Variants in CSMD3 observed in about 807,000 individuals in gnomAD.
The protein encoded by CSMD3 is CUB and Sushi multiple domains 3.
In CSMD3, 177 loss-of-function variants were observed where a neutral mutation model predicts 435.2. The ratio of observed to expected loss-of-function variants is 0.41; its 90% CI spans 0.36 to 0.46. CSMD3 has a LOEUF of 0.46. Ranked by LOEUF, CSMD3 falls within the 20% of genes least tolerant of loss-of-function variation. The pLI is 0.34. For synonymous variants in CSMD3, 1,656 were observed against 1,520.5 expected, an observed-to-expected ratio of 1.09 and a Z score of -2.07; for missense variants, 4,265 against 4,504.6, an observed-to-expected ratio of 0.95 and a Z score of 1.52.
chr8:113,329,867 A>T (rs570531624), intron 1 of CSMD3, among the ~76,000 whole-genome samples: 3 of 152,216 alleles, frequency 2.0e-5, no homozygotes, highest in African/African-American at 4.8e-5. Context: ...AATGAAGGAG[A>T]AATAATGACA....
chr8:112,434,641 G>A lies in CSMD3; in HGVS notation c.5396-25609C>T, dbSNP rs575307196. ...AATCACGTAATTCCACTTGGCAGACGTAAATTTACTGTGAAGTTAACAAAG... is the reference window on the plus strand; with the variant it reads ...AATCACGTAATTCCACTTGGCAGACATAAATTTACTGTGAAGTTAACAAAG... On this transcript the variant is annotated intron_variant, in intron 32 of 70. Transcript: ENST00000297405. Among the ~76,000 whole-genome samples, 5 of 152,208 alleles carry A rather than the reference G, an allele frequency of 3.3e-5. No homozygotes were observed. The South Asian group carries it at 1.0e-3, about 32-fold the overall frequency.
At position 112,454,129 on chromosome 8, in the gene CSMD3, G is replaced by A. The variant is rs139897020; in HGVS notation, c.5395+18462C>T. 8.0e-3 allele frequency among the ~76,000 whole-genome samples: 1,219 copies of A among 152,202 alleles called. 23 individuals carry two copies. Among genetic ancestry groups the A allele is most frequent in the African/African-American group, 0.027 (1,130 of 41,540 alleles). On this transcript the variant is annotated intron_variant, in intron 32 of 70. Transcript: ENST00000297405. ...TGGATTAAAGATTTAAACGTAAGACGTCAAACTATAAAAATCCTAAAAGAA... is the reference window on the plus strand; with the variant it reads ...TGGATTAAAGATTTAAACGTAAGACATCAAACTATAAAAATCCTAAAAGAA...
chr8:113,287,926 CTG>C (rs2093658454), intron 2 of CSMD3, among the ~76,000 whole-genome samples: 1 of 151,820 alleles, frequency 6.6e-6, no homozygotes, highest in Non-Finnish European at 1.5e-5. Flanking sequence ...AAAAGAATTC[CTG>C]CTTGAAATAT....
At chr8:112,333,281 C>A (rs1586796154) in intron 45 of CSMD3, among the ~76,000 whole-genome samples, 1 of 152,276 alleles carries the variant, frequency 6.6e-6, no homozygotes, top group Non-Finnish European at 1.5e-5. Context: ...GATTCTCCTG[C>A]CTCAGCCACC....
Position 112,701,582 on chromosome 8 carries a change from G to A in CSMD3, c.1973-11532C>T, listed in dbSNP as rs2076389623. Among the ~76,000 whole-genome samples, 7 of 152,250 alleles carry A rather than the reference G, an allele frequency of 4.6e-5. No individual in the cohort carries two copies. The South Asian group carries it at 1.4e-3, about 32-fold the overall frequency. ...CTTGAGTCCACTGTTGAAAGGGAAA[G>A]GATGGTCATATTAATTTTAAGAAAT... On this transcript the variant is annotated intron_variant, in intron 13 of 70. Coordinates refer to ENST00000297405, the MANE Select transcript of CSMD3 (RefSeq NM_198123.2).
chr8:112,228,966 A>G, intron 69 of CSMD3, 75 bp from the exon 70 acceptor site: 1 of 823,208 alleles, frequency 1.2e-6, no homozygotes, highest in African/African-American at 1.7e-5. Flanking sequence ...GAATCAATTA[A>G]TTTCTTCTAT....
intron 1 of CSMD3, among the ~76,000 whole-genome samples, chr8:113,409,079 CTTTTTTTTTTTT>C (rs1218107775): frequency 3.0e-5 from 3 of 99,068 alleles, no homozygotes; most frequent in African/African-American, 1.1e-4. Flanking sequence ...TCTTCTTCTT[CTTTTTTTTTTTT>C]TTTTTTTTTT....
chr8:112,567,925 G>T (rs968949538), intron 24 of CSMD3, among the ~76,000 whole-genome samples: 55 of 152,214 alleles, frequency 3.6e-4, no homozygotes, highest in African/African-American at 1.3e-3. Flanking sequence ...AACTTGTGTC[G>T]CGTAAAGTAC....
chr8:113,023,448 T>G (rs1312010120), intron 5 of CSMD3, among the ~76,000 whole-genome samples: 2 of 152,046 alleles, frequency 1.3e-5, no homozygotes, highest in African/African-American at 2.4e-5. Flanking sequence ...CTCACTCTCT[T>G]GCTTTTAAAC....
intron 3 of CSMD3, among the ~76,000 whole-genome samples, chr8:113,236,512 G>C (rs11994748): frequency 0.37 from 56,028 of 151,502 alleles, 11,175 homozygotes; most frequent in African/African-American, 0.53. Flanking sequence ...AGTGCTCTCT[G>C]TCTCTCTCTA....
chr8:112,516,867 A>T (rs2130985269), intron 28 of CSMD3, among the ~76,000 whole-genome samples, 167 bp downstream of exon 28: 1 of 152,340 alleles, frequency 6.6e-6, no homozygotes, highest in South Asian at 2.1e-4. Flanking sequence ...CCCATGGAAA[A>T]ATAATAATCA....
At chr8:112,545,499 AAAAAT>A (rs1437248310) in intron 27 of CSMD3, among the ~76,000 whole-genome samples, 3 of 141,124 alleles carry the variant, frequency 2.1e-5, no homozygotes, top group East Asian at 4.0e-4. Context: ...AAAAAAAAAA[AAAAAT>A]AATAATAATA....
At chr8:113,330,781 GA>G (rs1171337847) in intron 1 of CSMD3, among the ~76,000 whole-genome samples, 5 of 151,692 alleles carry the variant, frequency 3.3e-5, no homozygotes, top group Non-Finnish European at 3.0e-5. Context: ...AAAATACATG[GA>G]AAAAATGGCA....
intron 7 of CSMD3, among the ~76,000 whole-genome samples, chr8:112,967,999 T>C (rs2084488986): frequency 6.6e-6 from 1 of 151,912 alleles, no homozygotes; most frequent in African/African-American, 2.4e-5. Flanking sequence ...CTGTCATCTG[T>C]TGTTAGAAAT....
chr8:112,498,825 T>G (rs929651818), intron 30 of CSMD3, among the ~76,000 whole-genome samples: 3 of 131,416 alleles, frequency 2.3e-5, no homozygotes, highest in Non-Finnish European at 4.9e-5. Flanking sequence ...TGTATAAAAT[T>G]TAGAACAGGA....
chr8:112,501,454 T>G (rs1821952617), intron 30 of CSMD3, among the ~76,000 whole-genome samples: 1 of 150,726 alleles, frequency 6.6e-6, no homozygotes, highest in African/African-American at 2.4e-5. Context: ...GATGCTCAAC[T>G]TAATAGTAAT....
At chr8:112,425,771 A>G (rs1813000330) in intron 32 of CSMD3, among the ~76,000 whole-genome samples, 1 of 152,204 alleles carries the variant, frequency 6.6e-6, no homozygotes, top group Non-Finnish European at 1.5e-5. Context: ...GAAAATAAAT[A>G]TAGACTGTGA....
At chr8:113,088,006 T>G (rs959736014) in intron 5 of CSMD3, among the ~76,000 whole-genome samples, 80 of 147,688 alleles carry the variant, frequency 5.4e-4, no homozygotes, top group Non-Finnish European at 8.8e-4. Context: ...CTCAAACAAA[T>G]TTACAAGAAA....
At chr8:112,926,511 G>T (rs1257775498) in intron 9 of CSMD3, among the ~76,000 whole-genome samples, 2 of 152,104 alleles carry the variant, frequency 1.3e-5, no homozygotes, top group Non-Finnish European at 2.9e-5. Context: ...TAATGATATT[G>T]TTTGAAAAAC....
Sources: gnomAD v4.1 joint callset for allele counts (sites outside exome capture counted in the v4.1 genomes callset) on GRCh38, gnomAD v4.1.1 for gene constraint, MANE v1.5 for transcripts, NCBI Gene and HGNC (gene_info 2026-07-23, HGNC 2026-07-21) for gene names.